The following KCNMA1 variants were observed in gnomAD, a reference collection of about 807,000 sequenced individuals.
KCNMA1 encodes the protein Calcium-activated potassium channel subunit alpha-1.
In KCNMA1, 29 loss-of-function variants were observed where a neutral mutation model predicts 140.0. The observed-to-expected ratio is 0.21, with a 90% CI of 0.15 to 0.28. The LOEUF (loss-of-function observed/expected upper bound fraction) is 0.28, where lower values mean the gene tolerates loss of function less well. Among genes scored for constraint, KCNMA1 ranks in the 10% least tolerant of loss-of-function variants. The pLI, the probability that KCNMA1 is intolerant of heterozygous loss-of-function variation, is 1.00. For missense variants in KCNMA1, 880 were observed against 1,602.2 expected (o/e 0.55, Z 7.70); for synonymous variants, 612 against 611.9 (o/e 1.00, Z 0.00).
chr10:77,149,135 T>G (rs955339786), intron 5 of KCNMA1, among the ~76,000 whole-genome samples: 3 of 152,246 alleles, frequency 2.0e-5, no homozygotes, highest in African/African-American at 7.2e-5. Context: ...AACTTTGCAC[T>G]TGCTTAAAGT....
chr10:77,464,695 C>T (rs2097948870), intron 1 of KCNMA1, among the ~76,000 whole-genome samples: 1 of 152,138 alleles, frequency 6.6e-6, no homozygotes, highest in African/African-American at 2.4e-5. Flanking sequence ...GGAAGCCAGG[C>T]TCCCGGCCCT....
chr10:77,244,545 A>G (rs892757014), intron 3 of KCNMA1, among the ~76,000 whole-genome samples: 1 of 152,204 alleles, frequency 6.6e-6, no homozygotes. Flanking sequence ...AATGCTCTGA[A>G]CTTTGACGTA....
chr10:77,126,485 A>C (rs1408149127), intron 5 of KCNMA1, among the ~76,000 whole-genome samples: 1 of 152,232 alleles, frequency 6.6e-6, no homozygotes, highest in Non-Finnish European at 1.5e-5. Flanking sequence ...ATAATCCTAA[A>C]TAAAATACTA....
intron 5 of KCNMA1, among the ~76,000 whole-genome samples, chr10:77,126,356 T>G (rs74556493): frequency 0.026 from 3,941 of 152,234 alleles, 161 homozygotes; most frequent in African/African-American, 0.089. Context: ...TTCTTAAAAA[T>G]GGACTTATCT....
chr10:76,986,007 A>G (rs1463788257), intron 19 of KCNMA1, among the ~76,000 whole-genome samples: 1 of 152,194 alleles, frequency 6.6e-6, no homozygotes, highest in Non-Finnish European at 1.5e-5. Flanking sequence ...CTCAAATGGG[A>G]TCAAAGGGCC....
chr10:77,453,133 G>A (rs975992668), intron 1 of KCNMA1, among the ~76,000 whole-genome samples: 1 of 152,024 alleles, frequency 6.6e-6, no homozygotes, highest in East Asian at 1.9e-4. Context: ...CTTGATAACT[G>A]GGGATTCCAG....
At chr10:77,545,428 C>T (rs1189662401) in intron 1 of KCNMA1, among the ~76,000 whole-genome samples, 3 of 152,118 alleles carry the variant, frequency 2.0e-5, no homozygotes, top group Admixed American at 2.0e-4. Context: ...GTGAATCCTC[C>T]ACACACGAAT....
intron 25 of KCNMA1, among the ~76,000 whole-genome samples, chr10:76,892,417 G>A (rs1326453447): frequency 6.6e-6 from 1 of 151,994 alleles, no homozygotes; most frequent in Non-Finnish European, 1.5e-5. Flanking sequence ...GATCTGTCAG[G>A]AACAAAAGAA....
downstream of KCNMA1, among the ~76,000 whole-genome samples, chr10:76,880,286 CTCTT>C (rs1194149271): frequency 1.3e-5 from 2 of 152,040 alleles, no homozygotes; most frequent in East Asian, 3.9e-4. Flanking sequence ...TTAAACTTCT[CTCTT>C]TCCTTTTACA....
In KCNMA1 at chr10:77,576,948, C is replaced by T. The variant is rs7903709; in HGVS notation, c.378+60317G>A. ...TCTGCAAGTATTATTTCATTCAATTCTCACTGAAATCCCATGAAATGCTCA... is the reference window on the plus strand; with the variant it reads ...TCTGCAAGTATTATTTCATTCAATTTTCACTGAAATCCCATGAAATGCTCA... On this transcript the variant is annotated intron_variant, in intron 1 of 27. Transcript: ENST00000286628. Among the ~76,000 whole-genome samples the T allele has an allele frequency of 2.0e-3, 301 of 152,304 alleles. 1 individual carries two copies. The highest frequency in any genetic ancestry group is 6.3e-3 in the African/African-American group (261 of 41,558).
At chr10:77,124,700 G>A (rs753352954) in intron 5 of KCNMA1, among the ~76,000 whole-genome samples, 5 of 152,126 alleles carry the variant, frequency 3.3e-5, no homozygotes, top group Non-Finnish European at 7.3e-5. Flanking sequence ...TAATGCAAAT[G>A]AGCCAATGAA....
In KCNMA1 at chr10:77,229,738, G is replaced by A. The variant is rs1410197493; in HGVS notation, c.602+21457C>T. Among the ~76,000 whole-genome samples the A allele has an allele frequency of 2.0e-5, 3 of 152,046 alleles. No homozygotes were observed. In the East Asian group the frequency reaches 5.8e-4, roughly 29 times the overall value. On this transcript the variant is annotated intron_variant, in intron 3 of 27. Coordinates refer to ENST00000286628, the MANE Select transcript of KCNMA1 (RefSeq NM_001161352.2). ...ATACTCCCTGAGACGAACCAAGGGA[G>A]TAGTGGCTATATATATATATATATG...
At chr10:77,291,676 G>A (rs1352948325) in intron 2 of KCNMA1, among the ~76,000 whole-genome samples, 3 of 152,186 alleles carry the variant, frequency 2.0e-5, no homozygotes, top group Non-Finnish European at 2.9e-5. Context: ...GAGAGGCTGC[G>A]GTGAGCTGCT....
intron 5 of KCNMA1, among the ~76,000 whole-genome samples, chr10:77,131,153 A>G (rs1382923110): frequency 6.6e-6 from 1 of 152,230 alleles, no homozygotes; most frequent in Non-Finnish European, 1.5e-5. Context: ...TATCCTGAGT[A>G]AACTGTAACT....
At chr10:77,130,051 T>C (rs2097825743) in intron 5 of KCNMA1, among the ~76,000 whole-genome samples, 1 of 152,088 alleles carries the variant, frequency 6.6e-6, no homozygotes, top group African/African-American at 2.4e-5. Context: ...CAAAACGAGA[T>C]CTAAAGCTAC....
At chr10:77,616,479 G>A (rs893506702) in intron 1 of KCNMA1, among the ~76,000 whole-genome samples, 1 of 152,196 alleles carries the variant, frequency 6.6e-6, no homozygotes, top group Non-Finnish European at 1.5e-5. Context: ...GCAGCAGGAG[G>A]ATAATGTGGG....
chr10:77,155,592 C>T (rs941964016), intron 5 of KCNMA1, among the ~76,000 whole-genome samples: 1 of 152,154 alleles, frequency 6.6e-6, no homozygotes, highest in African/African-American at 2.4e-5. Context: ...CTCTCCCATG[C>T]TGCCCCCGAG....
At chr10:77,450,391 A>G (rs1173810191) in intron 1 of KCNMA1, among the ~76,000 whole-genome samples, 1 of 152,170 alleles carries the variant, frequency 6.6e-6, no homozygotes, top group Admixed American at 6.5e-5. Context: ...AAAGCTTTAC[A>G]TATATTATGT....
chr10:77,518,953 T>C (rs1003290871), intron 1 of KCNMA1, among the ~76,000 whole-genome samples: 1 of 152,190 alleles, frequency 6.6e-6, no homozygotes, highest in African/African-American at 2.4e-5. Context: ...TGGTTACTAT[T>C]AGAAAGTTAA....
Sources: gnomAD v4.1 joint callset for allele counts (sites outside exome capture counted in the v4.1 genomes callset) on GRCh38, gnomAD v4.1.1 for gene constraint, MANE v1.5 for transcripts, NCBI Gene and HGNC (gene_info 2026-07-23, HGNC 2026-07-21) for gene names.